MAF1: variants seen among roughly 807,000 people sequenced by gnomAD.
MAF1 encodes the protein repressor of RNA polymerase III transcription MAF1 homolog.
In MAF1, 7 loss-of-function variants were observed where a neutral mutation model predicts 31.9. That is an observed-to-expected ratio of 0.22 (90% CI 0.12 to 0.41). The LOEUF is 0.41. MAF1 is among the 10% of genes least tolerant of loss of function. The probability of loss-of-function intolerance (pLI) is 1.00; values close to 1 mark genes in which losing one functional copy is unlikely to be tolerated. For synonymous variants in MAF1, 157 were observed against 120.0 expected, an observed-to-expected ratio of 1.31 and a Z score of -2.02; for missense variants, 221 against 323.1, an observed-to-expected ratio of 0.68 and a Z score of 2.42.
rs1836374758 is a variant in MAF1, at chr8:144,104,738, C to A, written c.-165C>A. 6.6e-6 allele frequency: 1 copy of A among 152,238 alleles called. No homozygotes were observed. Among genetic ancestry groups the A allele is most frequent in the South Asian group, 2.1e-4 (1 of 4,836 alleles). The allele number at this position is 152,238 out of a possible 1,614,324, so 9.4% of individuals were successfully genotyped here. Reference sequence around the variant, plus strand: ...CGAGCGGAGGCCGCGGCGCCGCCCTCCGATCTTGAAGAGCCCGCGCTGCGC... The same window carrying A: ...CGAGCGGAGGCCGCGGCGCCGCCCTACGATCTTGAAGAGCCCGCGCTGCGC... On this transcript the variant is annotated 5_prime_UTR_variant, in exon 1 of 8. Coordinates refer to ENST00000322428, the MANE Select transcript of MAF1 (RefSeq NM_032272.5).
chr8:144,105,798 AGGTCAC>A, intron 2 of MAF1, 32 bp downstream of exon 2: 1 of 1,612,514 alleles, frequency 6.2e-7, no homozygotes, highest in Non-Finnish European at 8.5e-7. Context: ...GGCATCTCGG[AGGTCAC>A]ACTGCCGCGC....
chr8:144,106,886 G>C lies in MAF1; in HGVS notation c.672G>C (p.Leu224=). Residue 224 remains leucine, a synonymous_variant, in exon 7 of 8, where the codon CTG becomes CTC. Transcript: ENST00000322428. Reference sequence around the variant, plus strand: ...CAGGCAACGAGCTGGACATGGAGCTGGGGGAGGAGGAGGTGGAGGAAGAAA... The same window carrying C: ...CAGGCAACGAGCTGGACATGGAGCTCGGGGAGGAGGAGGTGGAGGAAGAAA... ...SEAGNELDME[L]GEEEVEEESR... is the part of the protein sequence containing the mutation. The C allele has an allele frequency of 2.0e-6, 3 of 1,532,628 alleles. No homozygotes were observed. Among genetic ancestry groups the C allele is most frequent in the Non-Finnish European group, 2.6e-6 (3 of 1,142,492 alleles). 94.9% of individuals were successfully genotyped at this position (1,532,628 alleles called of 1,614,324 possible).
rs1279214884 is a variant in MAF1 at position 144,107,188 on chromosome 8, T to TC, written c.*83dup. On this transcript the variant is annotated 3_prime_UTR_variant, in exon 8 of 8. Coordinates refer to ENST00000322428, the MANE Select transcript of MAF1 (RefSeq NM_032272.5). ...GTCCACCTGAGAGGCCCCTGGGGCC[T>TC]CCCCAGCTGCTGGCCAGACCCTGGC... 2 of 1,525,738 alleles carry TC rather than the reference T, an allele frequency of 1.3e-6. No homozygotes were observed. Among genetic ancestry groups the TC allele is most frequent in the South Asian group, 2.4e-5 (2 of 83,590 alleles). 94.5% of individuals were successfully genotyped at this position (1,525,738 alleles called of 1,614,324 possible). A position where few individuals can be genotyped will look rare whatever the true frequency, so the allele number is the denominator to read the frequency against.
At chr8:144,105,512 TG>T in intron 1 of MAF1, 127 bp from the exon 2 acceptor site, 1 of 616,376 alleles carries the variant, frequency 1.6e-6, no homozygotes, top group South Asian at 1.9e-5. Flanking sequence ...GGGGAGCTCC[TG>T]ATGTGCAGCC....
intron 7 of MAF1, 37 bp downstream of exon 7, chr8:144,107,000 C>A: frequency 6.4e-7 from 1 of 1,551,420 alleles, no homozygotes; most frequent in Non-Finnish European, 8.7e-7. Context: ...TCCTTGAAGC[C>A]TGGAGTGGGT....
intron 2 of MAF1, 23 bp downstream of exon 2, chr8:144,105,789 G>T (rs376430556): frequency 5.1e-5 from 83 of 1,612,582 alleles, no homozygotes; most frequent in Non-Finnish European, 6.9e-5. Context: ...GGGGGGGCTG[G>T]CATCTCGGAG....
intron 1 of MAF1, 23 bp from the exon 2 acceptor site, chr8:144,105,617 T>C: frequency 1.4e-6 from 2 of 1,426,900 alleles, no homozygotes; most frequent in Admixed American, 1.7e-5. Context: ...TAGATACCCA[T>C]GGTCTGGTCT....
At chr8:144,105,017 C>G (rs1836383365) in intron 1 of MAF1, 159 bp downstream of exon 1, 1 of 152,262 alleles carries the variant, frequency 6.6e-6, no homozygotes, top group South Asian at 2.1e-4. Flanking sequence ...ACTGCAGCGC[C>G]CCAGCGGGGC....
Position 144,107,177 on chromosome 8 carries a change from C to T in MAF1, c.*68C>T. The T allele has an allele frequency of 6.5e-7, 1 of 1,536,784 alleles. No homozygotes were observed. Among genetic ancestry groups the T allele is most frequent in the East Asian group, 2.5e-5 (1 of 40,806 alleles). The stretch of plus-strand genomic sequence containing the variant: ...TGCCTGGACCTGTCCACCTGAGAGG[C>T]CCCTGGGGCCTCCCCAGCTGCTGGC... On this transcript the variant is annotated 3_prime_UTR_variant, in exon 8 of 8. Coordinates refer to ENST00000322428, the MANE Select transcript of MAF1 (RefSeq NM_032272.5).
In MAF1 at chr8:144,105,899, A is replaced by G. The variant is rs778287529; in HGVS notation, c.114A>G (p.Gly38=). Residue 38 remains glycine (G), a synonymous_variant, in exon 3 of 8, where the codon GGA becomes GGG. Transcript: ENST00000322428. ...RIESYSCKMA[G]DDKHMFKQFC... ...AGAGCTACTCATGTAAGATGGCAGG[A>G]GACGACAAACACATGTTCAAGCAGT... The G allele has an allele frequency of 6.2e-6, 10 of 1,613,026 alleles. No individual in the cohort carries two copies. In the East Asian group the frequency reaches 2.0e-4, roughly 32 times the overall value.
chr8:144,105,492 C>A, intron 1 of MAF1, 148 bp from the exon 2 acceptor site: 1 of 601,900 alleles, frequency 1.7e-6, no homozygotes, highest in Non-Finnish European at 2.9e-6. Context: ...CTCTCCTGGC[C>A]GGGCAGAGAG....
intron 1 of MAF1, 89 bp from the exon 2 acceptor site, chr8:144,105,551 C>T (rs1836394639): frequency 6.8e-6 from 5 of 736,904 alleles, no homozygotes; most frequent in South Asian, 6.7e-5. Context: ...CAGCTTGTTC[C>T]TAGCGGCTCC....
chr8:144,105,533 G>A (rs1458199458), intron 1 of MAF1, 107 bp from the exon 2 acceptor site: 7 of 656,922 alleles, frequency 1.1e-5, no homozygotes, highest in South Asian at 1.8e-5. Context: ...CTGGACAGAG[G>A]CCAGACTCAG....
chr8:144,105,863 C>A lies in MAF1; in HGVS notation c.84-6C>A, dbSNP rs1375638878. On this transcript the variant is annotated splice_polypyrimidine_tract_variant and splice_region_variant and intron_variant, in intron 2 of 7. Coordinates refer to ENST00000322428, the MANE Select transcript of MAF1 (RefSeq NM_032272.5). ...CATGCTTCATGGTTCTCTCTGCATC[C>A]TATAGGATTGAGAGCTACTCATGTA... is the stretch of plus-strand genomic sequence containing the variant. 1 of 1,612,962 alleles carries A rather than the reference C, an allele frequency of 6.2e-7. No individual in the cohort carries two copies. The highest frequency in any genetic ancestry group is 1.7e-5 in the Admixed American group (1 of 60,028).
At chr8:144,105,375 G>A in intron 1 of MAF1, 1 of 388,166 alleles carries the variant, frequency 2.6e-6, no homozygotes, top group Non-Finnish European at 4.8e-6. Flanking sequence ...GGGTGAGCAG[G>A]GTCCCCGGTG....
Position 144,106,428 on chromosome 8 carries a change from A to G in MAF1, c.464A>G (p.Asp155Gly), listed in dbSNP as rs780105616. The change falls in exon 5 of 8, where the codon GAC (aspartate) becomes GGC (glycine). Residue 155 changes from aspartate (D) to glycine (G), a missense_variant. Physicochemically the swap from Asp to Gly is moderately conservative, Grantham distance 94. Around this residue, in one of 2 missense-constraint regions of MAF1, gnomAD observed 146 missense variants for 263.1 expected, o/e 0.56. Coordinates refer to ENST00000322428, the MANE Select transcript of MAF1 (RefSeq NM_032272.5). ...AAACCACAGCTGTGGAACGCGGTGG[A>G]CGAGGAGATCTGCCTGGCTGAATGT... ...DLKPQLWNAV[D>G]EEICLAECDI... 6.2e-7 allele frequency: 1 copy of G among 1,613,958 alleles called. No homozygotes were observed. The highest frequency in any genetic ancestry group is 1.7e-5 in the Admixed American group (1 of 60,014).
In MAF1 at chr8:144,106,862, A is replaced by G; in HGVS notation, c.648A>G (p.Ala216=). Residue 216 remains alanine, a synonymous_variant, in exon 7 of 8, where the codon GCA becomes GCG. Coordinates refer to ENST00000322428, the MANE Select transcript of MAF1 (RefSeq NM_032272.5). ...GCTCCACCTACACACCCTCAGAGGC[A>G]GGCAACGAGCTGGACATGGAGCTGG... ...ISGSTYTPSE[A]GNELDMELGE... is the part of the protein sequence containing the mutation. The G allele has an allele frequency of 6.5e-7, 1 of 1,531,156 alleles. No individual in the cohort carries two copies. Among genetic ancestry groups the G allele is most frequent in the Middle Eastern group, 1.8e-4 (1 of 5,624 alleles). The allele number at this position is 1,531,156 out of a possible 1,614,324, so 94.8% of individuals were successfully genotyped here.
Position 144,106,664 on chromosome 8 carries a change from C to T in MAF1, c.610C>T (p.Arg204Cys), listed in dbSNP as rs760808237. 2 of 1,613,070 alleles carry T rather than the reference C, an allele frequency of 1.2e-6. No individual in the cohort carries two copies. Among genetic ancestry groups the T allele is most frequent in the East Asian group, 2.2e-5 (1 of 44,890 alleles). ...RLKRIVFFSC[R>C]SISGSTYTPS... is the part of the protein sequence containing the mutation. Reference sequence around the variant, plus strand: ...CAAGCGAATCGTCTTCTTTAGCTGCCGTTCCATCAGGTGGGCACCCCCCGC... The same window carrying T: ...CAAGCGAATCGTCTTCTTTAGCTGCTGTTCCATCAGGTGGGCACCCCCCGC... The change falls in exon 6 of 8, where the codon CGT becomes TGT. Residue 204 changes from arginine (R) to cysteine (C), a missense_variant. Around this residue, in one of 2 missense-constraint regions of MAF1, gnomAD observed 146 missense variants for 263.1 expected, o/e 0.56. Coordinates refer to ENST00000322428, the MANE Select transcript of MAF1 (RefSeq NM_032272.5).
chr8:144,105,917 C>G lies in MAF1; in HGVS notation c.132C>G (p.Phe44Leu). 6.2e-7 allele frequency: 1 copy of G among 1,613,058 alleles called. No individual in the cohort carries two copies. Among genetic ancestry groups the G allele is most frequent in the Non-Finnish European group, 8.5e-7 (1 of 1,180,006 alleles). Residue 44 changes from phenylalanine (F) to leucine (L), a missense_variant, in exon 3 of 8, where the codon TTC (phenylalanine) becomes TTG (leucine). Coordinates refer to ENST00000322428, the MANE Select transcript of MAF1 (RefSeq NM_032272.5). ...CKMAGDDKHM[F>L]KQFCQEGQPH... ...TGGCAGGAGACGACAAACACATGTTCAAGCAGTTCTGCCAGGAGGGCCAGC... is the reference window on the plus strand; with the variant it reads ...TGGCAGGAGACGACAAACACATGTTGAAGCAGTTCTGCCAGGAGGGCCAGC...
Sources: allele counts gnomAD v4.1 joint callset, GRCh38; gene constraint gnomAD v4.1.1; regional missense constraint gnomAD v4.1.1; transcripts MANE v1.5; gene names NCBI Gene and HGNC (gene_info 2026-07-23, HGNC 2026-07-21).